The following LRRC7 variants were observed in gnomAD, a reference collection of about 807,000 sequenced individuals.
LRRC7 encodes the protein leucine rich repeat containing 7.
A neutral mutation model predicts 175.7 loss-of-function variants in LRRC7; 23 were observed. The ratio of observed to expected loss-of-function variants is 0.13; its 90% confidence interval spans 0.09 to 0.19. The LOEUF (loss-of-function observed/expected upper bound fraction) is 0.19. Among genes scored for constraint, LRRC7 ranks in the 10% least tolerant of loss-of-function variants. The pLI, the probability that LRRC7 is intolerant of heterozygous loss-of-function variation, is 1.00. For missense variants in LRRC7, 1,354 were observed against 1,904.7 expected, an observed-to-expected ratio of 0.71 and a Z score of 5.38; for synonymous variants, 685 against 680.9, an observed-to-expected ratio of 1.01 and a Z score of -0.09.
chr1:69,669,622 G>A (rs1658767163), intron 1 of LRRC7, among the ~76,000 whole-genome samples: 2 of 152,060 alleles, frequency 1.3e-5, no homozygotes, highest in Admixed American at 1.3e-4. Flanking sequence ...TCTTAGGTGA[G>A]GAGTTATCTG....
At chr1:69,826,118 A>G (rs1427433543) in intron 5 of LRRC7, among the ~76,000 whole-genome samples, 1 of 152,154 alleles carries the variant, frequency 6.6e-6, no homozygotes, top group Non-Finnish European at 1.5e-5. Context: ...AAACTAATAA[A>G]ACAGTTATTA....
At chr1:70,055,688 G>A (rs929828290) in intron 23 of LRRC7, among the ~76,000 whole-genome samples, 1 of 152,136 alleles carries the variant, frequency 6.6e-6, no homozygotes, top group Non-Finnish European at 1.5e-5. Context: ...AAAGTGAGAA[G>A]GGGGAAGTGC....
At chr1:69,973,592 G>A (rs963291863) in intron 8 of LRRC7, among the ~76,000 whole-genome samples, 7 of 152,136 alleles carry the variant, frequency 4.6e-5, no homozygotes, top group Middle Eastern at 3.4e-3. Context: ...AGCTCATTTT[G>A]ATTGATCATG....
rs190226994 is a variant in LRRC7, at chr1:69,568,972, T to C, written c.2+331T>C. 3.5e-3 allele frequency among the ~76,000 whole-genome samples: 536 copies of C among 152,296 alleles called. 3 individuals are homozygous for C. Among genetic ancestry groups the C allele is most frequent in the Non-Finnish European group, 4.8e-3 (329 of 68,026 alleles). ...CTGGTGCTGGGACCATTGGTTCCGC[T>C]GAAATTAGGTTTAGCTCCTCGTTAT... is the stretch of plus-strand genomic sequence containing the variant. On this transcript the variant is annotated intron_variant, in intron 1 of 26. Transcript: ENST00000651989.
intron 8 of LRRC7, among the ~76,000 whole-genome samples, chr1:69,954,816 G>A (rs1650324892): frequency 6.6e-6 from 1 of 152,008 alleles, no homozygotes; most frequent in South Asian, 2.1e-4. Context: ...GACATTGTCA[G>A]CACCAACCTA....
At chr1:69,586,980 C>T (rs1178157385) in intron 1 of LRRC7, among the ~76,000 whole-genome samples, 1 of 152,074 alleles carries the variant, frequency 6.6e-6, no homozygotes, top group African/African-American at 2.4e-5. Flanking sequence ...TAAATAATGA[C>T]ATTTGTAGAG....
At chr1:69,914,629 A>G (rs1442501121) in intron 7 of LRRC7, among the ~76,000 whole-genome samples, 1 of 152,200 alleles carries the variant, frequency 6.6e-6, no homozygotes, top group Non-Finnish European at 1.5e-5. Flanking sequence ...ATAATAATAA[A>G]TATTCTCAAT....
At chr1:69,723,280 G>T (rs1032777417) in intron 2 of LRRC7, among the ~76,000 whole-genome samples, 12 of 152,062 alleles carry the variant, frequency 7.9e-5, no homozygotes, top group African/African-American at 2.9e-4. Flanking sequence ...ATGCATAGAT[G>T]ACTTCATACG....
chr1:70,060,964 T>G (rs1236316148), intron 23 of LRRC7, among the ~76,000 whole-genome samples: 1 of 152,206 alleles, frequency 6.6e-6, no homozygotes, highest in Non-Finnish European at 1.5e-5. Context: ...ATGTCTTTAC[T>G]TCATTGGTCC....
intron 2 of LRRC7, among the ~76,000 whole-genome samples, chr1:69,709,045 A>G (rs949220740): frequency 2.0e-5 from 3 of 152,242 alleles, no homozygotes; most frequent in Non-Finnish European, 2.9e-5. Context: ...ACTTCAGTTC[A>G]GAGCACTCAG....
At chr1:69,801,708 G>A (rs1176028608) in intron 4 of LRRC7, among the ~76,000 whole-genome samples, 1 of 150,962 alleles carries the variant, frequency 6.6e-6, no homozygotes, top group Admixed American at 6.6e-5. Flanking sequence ...GTTGTTCTCA[G>A]TATCTTTTAG....
Position 70,047,315 on chromosome 1 carries a change from C to G in LRRC7, c.4110+3221C>G, listed in dbSNP as rs375143614. On this transcript the variant is annotated intron_variant, in intron 22 of 26. Transcript: ENST00000651989. ...TCCTAGAAAGAATGAAGGAAGTTTCCTAAGGAATCTGTTTTCACCTGTTAG... is the reference window on the plus strand; with the variant it reads ...TCCTAGAAAGAATGAAGGAAGTTTCGTAAGGAATCTGTTTTCACCTGTTAG... Among the ~76,000 whole-genome samples, 598 of 152,168 alleles carry G rather than the reference C, an allele frequency of 3.9e-3. 5 individuals carry two copies. The highest frequency in any genetic ancestry group is 0.014 in the African/African-American group (565 of 41,534).
chr1:69,811,745 GA>G (rs924796027), intron 4 of LRRC7, among the ~76,000 whole-genome samples: 2 of 152,004 alleles, frequency 1.3e-5, no homozygotes, highest in African/African-American at 4.8e-5. Context: ...ACAGGGAGGG[GA>G]ACATCACACA....
chr1:69,914,556 C>T (rs1257164970), intron 7 of LRRC7, among the ~76,000 whole-genome samples: 2 of 152,074 alleles, frequency 1.3e-5, no homozygotes, highest in African/African-American at 4.8e-5. Flanking sequence ...ATAATACATA[C>T]ATATAAATAG....
chr1:70,021,713 A>G (rs372197576), intron 16 of LRRC7, among the ~76,000 whole-genome samples: 2 of 152,174 alleles, frequency 1.3e-5, no homozygotes, highest in Non-Finnish European at 2.9e-5. Context: ...ACCTCAAAGT[A>G]TGTTTTAAAA....
chr1:69,851,061 G>C (rs1184680934), intron 7 of LRRC7, among the ~76,000 whole-genome samples: 1 of 152,060 alleles, frequency 6.6e-6, no homozygotes, highest in Non-Finnish European at 1.5e-5. Flanking sequence ...ACCAACTGCA[G>C]GTAGTGCCAC....
In LRRC7 at chr1:69,978,193, GA is replaced by G. The variant is rs925446282; in HGVS notation, c.712-2184del. 2.3e-4 allele frequency among the ~76,000 whole-genome samples: 35 copies of G among 152,208 alleles called. No individual in the cohort carries two copies. In the East Asian group the frequency reaches 3.3e-3, roughly 14 times the overall value. On this transcript the variant is annotated intron_variant, in intron 8 of 26. Coordinates refer to ENST00000651989, the MANE Select transcript of LRRC7 (RefSeq NM_001370785.2). Reference sequence around the variant, plus strand: ...TGTGCCTCGGGAGGCCGAGGCAGGAGAATGGCTTGAACCCAGGAGGCAGAGG... The same window carrying G: ...TGTGCCTCGGGAGGCCGAGGCAGGAGATGGCTTGAACCCAGGAGGCAGAGG...
chr1:69,911,329 C>A (rs1025570979), intron 7 of LRRC7, among the ~76,000 whole-genome samples: 1 of 152,182 alleles, frequency 6.6e-6, no homozygotes, highest in Non-Finnish European at 1.5e-5. Flanking sequence ...TGTTCCTATT[C>A]GGCCTTCTTG....
chr1:69,580,889 G>T (rs1257058169), intron 1 of LRRC7, among the ~76,000 whole-genome samples: 3 of 152,196 alleles, frequency 2.0e-5, no homozygotes, highest in Non-Finnish European at 4.4e-5. Flanking sequence ...GTTCTGAGAA[G>T]AAGTAGCATC....
Sources: allele counts gnomAD v4.1 joint callset (sites outside exome capture counted in the v4.1 genomes callset), GRCh38; gene constraint gnomAD v4.1.1; transcripts MANE v1.5; gene names NCBI Gene and HGNC (gene_info 2026-07-23, HGNC 2026-07-21).